HCN1: variants seen among roughly 807,000 people sequenced by gnomAD.
HCN1 encodes the protein hyperpolarization activated cyclic nucleotide gated potassium channel 1, also known as potassium/sodium hyperpolarization-activated cyclic nucleotide-gated channel 1.
Under a neutral mutation model 78.9 loss-of-function variants are expected in HCN1, and 13 were observed. The ratio of observed to expected loss-of-function variants is 0.16; its 90% CI spans 0.11 to 0.26. The LOEUF is 0.26. Among genes scored for constraint, HCN1 ranks in the 10% least tolerant of loss-of-function variants. The pLI, the probability that HCN1 is intolerant of heterozygous loss-of-function variation, is 1.00. For missense variants in HCN1, 810 were observed against 1,154.3 expected (o/e 0.70, Z 4.32); for synonymous variants, 552 against 455.5 (o/e 1.21, Z -2.70).
rs529847164 is a variant in HCN1, at chr5:45,262,419, G to T, written c.2175C>A (p.Ser725=). 1.9e-6 allele frequency: 3 copies of T among 1,611,512 alleles called. No individual in the cohort carries two copies. The highest frequency in any genetic ancestry group is 2.2e-5 in the East Asian group (1 of 44,850). ...RTFHYASPTA[S]QLSLMQQQPQ... Reference sequence around the variant, plus strand: ...GCTGCTGTTGCATGAGTGACAGCTGGGAGGCGGTGGGGGAGGCATAGTGGA... The same window carrying T: ...GCTGCTGTTGCATGAGTGACAGCTGTGAGGCGGTGGGGGAGGCATAGTGGA... The change falls in exon 8 of 8, where the codon TCC becomes TCA. Residue 725 remains serine (S), a synonymous_variant. Transcript: ENST00000303230.
intron 2 of HCN1, among the ~76,000 whole-genome samples, chr5:45,537,570 G>A (rs1379418012): frequency 2.0e-4 from 13 of 64,604 alleles, no homozygotes; most frequent in Admixed American, 1.5e-3. Flanking sequence ...ACAGAGTTTC[G>A]CTCTTTTGCC....
intron 4 of HCN1, among the ~76,000 whole-genome samples, chr5:45,382,244 G>C (rs539902188): frequency 1.3e-5 from 2 of 152,166 alleles, no homozygotes; most frequent in South Asian, 4.1e-4. Flanking sequence ...GTTTTATCTT[G>C]TTTAGAGCAC....
At position 45,303,641 on chromosome 5, in the gene HCN1, A is replaced by G. The variant is rs1173056773; in HGVS notation, c.1576T>C (p.Ser526Pro). The G allele has an allele frequency of 1.2e-6, 2 of 1,613,284 alleles. No individual in the cohort carries two copies. Among genetic ancestry groups the G allele is most frequent in the African/African-American group, 1.3e-5 (1 of 74,850 alleles). ...TCTGTCAGCTTCATTTCTTTACTGG[A>G]TTTTGTAATGACACCAGCAACACCG... ...QHGVAGVITKSSKEMKLTDGS... is the reference protein window; with the variant it reads ...QHGVAGVITKPSKEMKLTDGS... The change falls in exon 6 of 8, where the codon TCC (serine) becomes CCC (proline). Residue 526 changes from serine to proline, a missense_variant. Physicochemically the swap from Ser to Pro is moderately conservative, Grantham distance 74. Around this residue, in one of 6 missense-constraint regions of HCN1, gnomAD observed 100 missense variants for 126.8 expected, o/e 0.79. Coordinates refer to ENST00000303230, the MANE Select transcript of HCN1 (RefSeq NM_021072.4).
chr5:45,545,175 T>C (rs1267953522), intron 2 of HCN1, among the ~76,000 whole-genome samples: 1 of 152,200 alleles, frequency 6.6e-6, no homozygotes, highest in African/African-American at 2.4e-5. Flanking sequence ...ATTGTGGTTT[T>C]GATTTGCATT....
chr5:45,313,655 T>C (rs1416618398), intron 5 of HCN1, among the ~76,000 whole-genome samples: 1 of 151,928 alleles, frequency 6.6e-6, no homozygotes, highest in South Asian at 2.1e-4. Context: ...GAACAACCAG[T>C]GTAGAGAAGT....
intron 4 of HCN1, among the ~76,000 whole-genome samples, chr5:45,372,162 TATA>T (rs1747402246): frequency 1.7e-5 from 1 of 59,474 alleles, no homozygotes; most frequent in South Asian, 5.4e-4. Context: ...AATATGTTAT[TATA>T]TATAATTATA....
chr5:45,506,265 C>G (rs1339478208), intron 2 of HCN1, among the ~76,000 whole-genome samples: 1 of 152,104 alleles, frequency 6.6e-6, no homozygotes, highest in Non-Finnish European at 1.5e-5. Flanking sequence ...TGCATATGTT[C>G]TTAAGACAAC....
intron 3 of HCN1, among the ~76,000 whole-genome samples, chr5:45,460,508 C>CA (rs1741124112): frequency 6.6e-6 from 1 of 151,940 alleles, no homozygotes; most frequent in African/African-American, 2.4e-5. Context: ...CAGAAGAGAA[C>CA]AGACATTACA....
Position 45,308,985 on chromosome 5 carries a change from T to G in HCN1, c.1378-5146A>C, listed in dbSNP as rs182886396. 6.6e-4 allele frequency among the ~76,000 whole-genome samples: 100 copies of G among 152,330 alleles called. 1 individual carries two copies. In the East Asian group the frequency reaches 0.012, roughly 18 times the overall value. On this transcript the variant is annotated intron_variant, in intron 5 of 7. Transcript: ENST00000303230. ...ATGGCCATTTTAACAATATTGATTC[T>G]TCTTATCCATGAGTATGGAATGTTT... is the stretch of plus-strand genomic sequence containing the variant.
chr5:45,437,108 T>C (rs938261393), intron 3 of HCN1, among the ~76,000 whole-genome samples: 3 of 152,192 alleles, frequency 2.0e-5, no homozygotes, highest in African/African-American at 7.2e-5. Context: ...CATGCAGTTT[T>C]ATTGTTCAGT....
intron 2 of HCN1, among the ~76,000 whole-genome samples, chr5:45,580,016 T>C (rs1163503610): frequency 1.3e-5 from 2 of 152,198 alleles, no homozygotes; most frequent in African/African-American, 2.4e-5. Context: ...AATTGAAAGA[T>C]ATATACTGGA....
Position 45,499,622 on chromosome 5 carries a change from T to C in HCN1, c.850-37615A>G, listed in dbSNP as rs544812027. ...CCATCTTGGCTCCTCCCCCTGTGTT[T>C]TGATTCAATATATTACTAGCACAGA... On this transcript the variant is annotated intron_variant, in intron 2 of 7. Transcript: ENST00000303230. Among the ~76,000 whole-genome samples, 248 of 152,278 alleles carry C rather than the reference T, an allele frequency of 1.6e-3. 2 individuals are homozygous for C. The highest frequency in any genetic ancestry group is 5.8e-3 in the African/African-American group (240 of 41,570).
intron 4 of HCN1, among the ~76,000 whole-genome samples, chr5:45,373,515 T>A (rs1252388473): frequency 7.1e-6 from 1 of 141,162 alleles, no homozygotes; most frequent in Non-Finnish European, 1.5e-5. Context: ...ACATCATCTA[T>A]AATATATATT....
chr5:45,390,854 T>A (rs1351309829), intron 4 of HCN1, among the ~76,000 whole-genome samples: 2 of 152,122 alleles, frequency 1.3e-5, no homozygotes, highest in African/African-American at 4.8e-5. Context: ...CAGATGAGAA[T>A]ATAAAGCAAC....
intron 2 of HCN1, among the ~76,000 whole-genome samples, chr5:45,546,631 C>T (rs1456049608): frequency 6.6e-6 from 1 of 151,754 alleles, no homozygotes; most frequent in Non-Finnish European, 1.5e-5. Flanking sequence ...AAAATTTCCT[C>T]CATAATATTT....
intron 2 of HCN1, among the ~76,000 whole-genome samples, chr5:45,560,290 A>G (rs922708534): frequency 1.1e-4 from 16 of 152,076 alleles, no homozygotes; most frequent in Admixed American, 3.9e-4. Flanking sequence ...TTCCTTAGTC[A>G]TATACTGAAA....
chr5:45,569,417 T>A (rs1743780127), intron 2 of HCN1, among the ~76,000 whole-genome samples: 1 of 152,176 alleles, frequency 6.6e-6, no homozygotes, highest in Non-Finnish European at 1.5e-5. Flanking sequence ...AAAATTCTTT[T>A]GAGAAATTCA....
intron 6 of HCN1, among the ~76,000 whole-genome samples, chr5:45,268,788 A>ATG (rs1744908908): frequency 6.6e-6 from 1 of 152,156 alleles, no homozygotes; most frequent in Non-Finnish European, 1.5e-5. Flanking sequence ...GTGCCTGAAT[A>ATG]TGTGTGTGTG....
intron 2 of HCN1, among the ~76,000 whole-genome samples, chr5:45,606,827 T>TAA (rs1222014310): frequency 2.0e-5 from 3 of 152,020 alleles, no homozygotes; most frequent in African/African-American, 7.2e-5. Context: ...GAGGATAAAC[T>TAA]AAATATTCAG....
Sources: gnomAD v4.1 joint callset for allele counts (sites outside exome capture counted in the v4.1 genomes callset) on GRCh38, gnomAD v4.1.1 for gene constraint, gnomAD v4.1.1 regional missense constraint, MANE v1.5 for transcripts, NCBI Gene and HGNC (gene_info 2026-07-23, HGNC 2026-07-21) for gene names.